Variants in MLPH observed in about 807,000 individuals in gnomAD.
MLPH encodes the protein exophilin-3.
In MLPH, 51 loss-of-function variants were observed where a neutral mutation model predicts 72.1. The observed-to-expected ratio is 0.71, with a 90% CI of 0.56 to 0.89. MLPH has a LOEUF of 0.89. MLPH is among the 40% of genes least tolerant of loss of function. The probability of loss-of-function intolerance (pLI) is 0.00; values close to 1 mark genes in which losing one functional copy is unlikely to be tolerated. For synonymous variants in MLPH, 301 were observed against 310.1 expected (o/e 0.97, Z 0.31); for missense variants, 743 against 759.9 (o/e 0.98, Z 0.26).
chr2:237,546,092 G>A (rs540095120), intron 12 of MLPH, among the ~76,000 whole-genome samples: 1 of 152,236 alleles, frequency 6.6e-6, no homozygotes, highest in Admixed American at 6.5e-5. Flanking sequence ...CAGTAAGGTG[G>A]GACAACCCTT....
intron 6 of MLPH, among the ~76,000 whole-genome samples, chr2:237,522,689 C>T (rs1436098743): frequency 1.3e-5 from 2 of 152,052 alleles, no homozygotes; most frequent in Non-Finnish European, 2.9e-5. Context: ...GGGGTTGGGC[C>T]TTGTATGGTG....
intron 2 of MLPH, among the ~76,000 whole-genome samples, chr2:237,497,777 T>C (rs2079564984): frequency 6.6e-6 from 1 of 152,226 alleles, no homozygotes; most frequent in Non-Finnish European, 1.5e-5. Context: ...TGAACAGTCA[T>C]CTGTGTGCTG....
At position 237,527,367 on chromosome 2, in the gene MLPH, C is replaced by T; in HGVS notation, c.881-10C>T. The T allele has an allele frequency of 1.2e-6, 2 of 1,614,194 alleles. No individual in the cohort carries two copies. Among genetic ancestry groups the T allele is most frequent in the Non-Finnish European group, 8.5e-7 (1 of 1,180,052 alleles). ...ACTGCAAGTAATTCAAACCCACTCT[C>T]GCTCTGAAGGGTCGAATGTCATCAG... On this transcript the variant is annotated splice_polypyrimidine_tract_variant and intron_variant, in intron 7 of 15. Coordinates refer to ENST00000264605, the MANE Select transcript of MLPH (RefSeq NM_024101.7).
intron 2 of MLPH, among the ~76,000 whole-genome samples, chr2:237,497,996 T>A (rs1371952461): frequency 1.3e-5 from 2 of 152,138 alleles, no homozygotes; most frequent in East Asian, 3.9e-4. Context: ...TCACAAACTC[T>A]GAGAGGGAAG....
chr2:237,523,705 G>A (rs74001392), intron 6 of MLPH, among the ~76,000 whole-genome samples: 5,128 of 152,264 alleles, frequency 0.034, 305 homozygotes, highest in African/African-American at 0.12. Flanking sequence ...CCCTCGTTGT[G>A]TTGTGATTAG....
chr2:237,517,536 T>C (rs1266872023), intron 4 of MLPH, among the ~76,000 whole-genome samples: 2 of 151,106 alleles, frequency 1.3e-5, no homozygotes, highest in African/African-American at 4.9e-5. Flanking sequence ...GATGTCTGAG[T>C]GGATGAATGC....
intron 2 of MLPH, among the ~76,000 whole-genome samples, chr2:237,503,463 C>T (rs78004221): frequency 0.013 from 2,003 of 152,266 alleles, 48 homozygotes; most frequent in African/African-American, 0.045. Flanking sequence ...TCCCGACACG[C>T]GTTCCCAGGA....
At chr2:237,534,750 T>G in intron 9 of MLPH, 103 bp downstream of exon 9, 1 of 1,012,482 alleles carries the variant, frequency 9.9e-7, no homozygotes, top group Non-Finnish European at 1.6e-6. Context: ...TCTTGAGATT[T>G]TGCTGTTTGT....
intron 2 of MLPH, among the ~76,000 whole-genome samples, chr2:237,499,228 A>G (rs2079598599): frequency 6.6e-6 from 1 of 152,176 alleles, no homozygotes; most frequent in Non-Finnish European, 1.5e-5. Flanking sequence ...AAAAATATAT[A>G]CATAGCCCTG....
At chr2:237,489,800 C>T (rs1475453350) in intron 1 of MLPH, among the ~76,000 whole-genome samples, 3 of 152,168 alleles carry the variant, frequency 2.0e-5, no homozygotes, top group Non-Finnish European at 4.4e-5. Flanking sequence ...GGAACCCCCA[C>T]CCTGATTTCC....
intron 1 of MLPH, among the ~76,000 whole-genome samples, chr2:237,488,685 G>A (rs1316980404): frequency 6.6e-6 from 1 of 152,200 alleles, no homozygotes; most frequent in Admixed American, 6.5e-5. Flanking sequence ...CACACATGGG[G>A]AGTCAGTGGG....
At chr2:237,513,991 A>G (rs529359535) in intron 4 of MLPH, among the ~76,000 whole-genome samples, 1 of 152,362 alleles carries the variant, frequency 6.6e-6, no homozygotes, top group Non-Finnish European at 1.5e-5. Context: ...TTTACCGTGT[A>G]TACATGGGAG....
chr2:237,501,845 A>G (rs957603621), intron 2 of MLPH, among the ~76,000 whole-genome samples: 2 of 151,998 alleles, frequency 1.3e-5, no homozygotes, highest in Non-Finnish European at 2.9e-5. Context: ...TAATAAATAA[A>G]ATAATTAGAT....
intron 5 of MLPH, among the ~76,000 whole-genome samples, chr2:237,518,877 T>C (rs1440600947): frequency 6.6e-6 from 1 of 152,078 alleles, no homozygotes; most frequent in African/African-American, 2.4e-5. Flanking sequence ...AAAAGCAATC[T>C]GTGTGATGGG....
chr2:237,518,494 C>A, intron 4 of MLPH, 45 bp from the exon 5 acceptor site: 2 of 1,518,978 alleles, frequency 1.3e-6, no homozygotes, highest in South Asian at 1.2e-5. Flanking sequence ...GGCTTGTTCC[C>A]AGACTGTTTG....
intron 1 of MLPH, among the ~76,000 whole-genome samples, chr2:237,489,928 C>A (rs2079394402): frequency 6.6e-6 from 1 of 152,230 alleles, no homozygotes; most frequent in Non-Finnish European, 1.5e-5. Context: ...ACTCTCTCCT[C>A]CCTGCCTATT....
intron 9 of MLPH, among the ~76,000 whole-genome samples, chr2:237,534,901 C>T (rs777739039): frequency 2.0e-5 from 3 of 152,140 alleles, no homozygotes; most frequent in Non-Finnish European, 2.9e-5. Flanking sequence ...AGGGCACATA[C>T]GTGTAACAGC....
chr2:237,501,372 G>A lies in MLPH; in HGVS notation c.110+7836G>A, dbSNP rs145949701. 2.3e-3 allele frequency among the ~76,000 whole-genome samples: 350 copies of A among 152,192 alleles called. 6 individuals carry two copies. Among genetic ancestry groups the A allele is most frequent in the Admixed American group, 0.016 (248 of 15,290 alleles). On this transcript the variant is annotated intron_variant, in intron 2 of 15. Coordinates refer to ENST00000264605, the MANE Select transcript of MLPH (RefSeq NM_024101.7). ...TGCACAAGTGAGAAACTGAGTCTGGGGCGGGTTACCCAGCTGTGATGAATA... is the reference window on the plus strand; with the variant it reads ...TGCACAAGTGAGAAACTGAGTCTGGAGCGGGTTACCCAGCTGTGATGAATA...
intron 8 of MLPH, among the ~76,000 whole-genome samples, chr2:237,533,390 C>CTTTTTTTTTTTTTT (rs746139615): frequency 2.4e-3 from 258 of 107,950 alleles, no homozygotes; most frequent in Middle Eastern, 6.0e-3. Flanking sequence ...ATTTTCTTTT[C>CTTTTTTTTTTTTTT]TTTTTTTTTT....
Sources: allele counts gnomAD v4.1 joint callset (sites outside exome capture counted in the v4.1 genomes callset), GRCh38; gene constraint gnomAD v4.1.1; transcripts MANE v1.5; gene names NCBI Gene and HGNC (gene_info 2026-07-23, HGNC 2026-07-21).